GRAMD2B: variants seen among roughly 807,000 people sequenced by gnomAD.
The protein encoded by GRAMD2B is GRAM domain-containing protein 2B.
In GRAMD2B, 41 loss-of-function variants were observed where a neutral mutation model predicts 59.2. The observed-to-expected ratio is 0.69, with a 90% confidence interval of 0.54 to 0.90. The LOEUF is 0.90. Among genes scored for constraint, GRAMD2B ranks in the 40% least tolerant of loss-of-function variants. The pLI, the probability that GRAMD2B is intolerant of heterozygous loss-of-function variation, is 0.00. For missense variants in GRAMD2B, 424 were observed against 500.5 expected (o/e 0.85, Z 1.46); for synonymous variants, 161 against 182.7 (o/e 0.88, Z 0.96).
upstream of GRAMD2B, among the ~76,000 whole-genome samples, chr5:126,366,329 C>T (rs1223698139): frequency 1.3e-5 from 2 of 152,188 alleles, no homozygotes; most frequent in Non-Finnish European, 2.9e-5. Flanking sequence ...AATGCTTGCC[C>T]TCCCTCTAGG....
chr5:126,439,408 C>A (rs1694071996), intron 1 of GRAMD2B, among the ~76,000 whole-genome samples: 1 of 147,304 alleles, frequency 6.8e-6, no homozygotes. Context: ...CTCACTGCAA[C>A]CTCCACCTCC....
chr5:126,419,863 T>C (rs1402221861), upstream of GRAMD2B, among the ~76,000 whole-genome samples: 1 of 151,948 alleles, frequency 6.6e-6, no homozygotes, highest in East Asian at 1.9e-4. Context: ...GAGACCAGCC[T>C]GGCCAATATG....
At chr5:126,409,071 T>G (rs999017475) in intron 1 of GRAMD2B, among the ~76,000 whole-genome samples, 1 of 151,924 alleles carries the variant, frequency 6.6e-6, no homozygotes, top group Non-Finnish European at 1.5e-5. Context: ...TGCCACATTT[T>G]CTTAATCCAG....
chr5:126,384,989 C>T (rs897705448), intron 1 of GRAMD2B, among the ~76,000 whole-genome samples: 2 of 152,212 alleles, frequency 1.3e-5, no homozygotes, highest in Non-Finnish European at 2.9e-5. Flanking sequence ...GAGCACAGTT[C>T]CTGGCATAAA....
At chr5:126,490,693 C>T (rs1234757143) in intron 13 of GRAMD2B, among the ~76,000 whole-genome samples, 1 of 152,182 alleles carries the variant, frequency 6.6e-6, no homozygotes, top group African/African-American at 2.4e-5. Flanking sequence ...TGGGCACTAG[C>T]GCAGCACAGC....
chr5:126,413,631 G>A (rs867652246), intron 1 of GRAMD2B, among the ~76,000 whole-genome samples: 1 of 151,956 alleles, frequency 6.6e-6, no homozygotes, highest in Non-Finnish European at 1.5e-5. Context: ...GTCAAGTGTC[G>A]AATTTAAGTC....
intron 1 of GRAMD2B, among the ~76,000 whole-genome samples, chr5:126,435,444 G>A (rs1185675025): frequency 2.6e-5 from 4 of 152,180 alleles, no homozygotes; most frequent in Non-Finnish European, 4.4e-5. Flanking sequence ...CTCCTGTGGC[G>A]TGACTGGCTG....
At chr5:126,388,650 G>A (rs530700378) in intron 1 of GRAMD2B, among the ~76,000 whole-genome samples, 6 of 149,970 alleles carry the variant, frequency 4.0e-5, no homozygotes, top group Admixed American at 6.7e-5. Flanking sequence ...AGACGATCAC[G>A]TTGTATAAGC....
At chr5:126,460,862 T>G (rs1323079744) in intron 1 of GRAMD2B, among the ~76,000 whole-genome samples, 1 of 152,222 alleles carries the variant, frequency 6.6e-6, no homozygotes. Flanking sequence ...GAAGACCCTC[T>G]GATGAAACAT....
upstream of GRAMD2B, chr5:126,423,036 T>C (rs904308776): frequency 5.5e-6 from 2 of 365,396 alleles, no homozygotes; most frequent in Non-Finnish European, 7.6e-6. Context: ...GAAGAGGCAG[T>C]CCCTCAATGA....
intron 1 of GRAMD2B, among the ~76,000 whole-genome samples, chr5:126,429,301 CAT>C (rs1317499285): frequency 6.6e-6 from 1 of 152,168 alleles, no homozygotes; most frequent in Non-Finnish European, 1.5e-5. Flanking sequence ...CGAAATACCA[CAT>C]GTTCTCACTT....
At chr5:126,485,368 A>G (rs1479352603) in intron 10 of GRAMD2B, among the ~76,000 whole-genome samples, 1 of 152,138 alleles carries the variant, frequency 6.6e-6, no homozygotes, top group Non-Finnish European at 1.5e-5. Flanking sequence ...TTTTCCAGTA[A>G]AACTCAAATT....
At chr5:126,397,664 G>A (rs1757475311) in intron 1 of GRAMD2B, among the ~76,000 whole-genome samples, 1 of 152,118 alleles carries the variant, frequency 6.6e-6, no homozygotes, top group Non-Finnish European at 1.5e-5. Flanking sequence ...TTGTTAATGT[G>A]TTGTATCACA....
chr5:126,395,577 A>G lies in GRAMD2B; in HGVS notation c.125+24010A>G, dbSNP rs116745675. Among the ~76,000 whole-genome samples, 366 of 152,254 alleles carry G rather than the reference A, an allele frequency of 2.4e-3. 3 individuals carry two copies. Among genetic ancestry groups the G allele is most frequent in the African/African-American group, 8.5e-3 (352 of 41,546 alleles). On this transcript the variant is annotated intron_variant, in intron 1 of 8. Transcript: ENST00000506445. ...ACTTGCATTCACAAACATTCACTTTATTTTTTTATGCTTTTTTAAATTGCT... is the reference window on the plus strand; with the variant it reads ...ACTTGCATTCACAAACATTCACTTTGTTTTTTTATGCTTTTTTAAATTGCT...
rs547212854 is a variant in GRAMD2B at position 126,447,489 on chromosome 5, C to T, written c.84-17937C>T. ...CATCCTCGATAACACGGTGAAACCC[C>T]GTCTCTACTAAAAAAATACAAAAAA... On this transcript the variant is annotated intron_variant, in intron 1 of 13. Coordinates refer to ENST00000285689, the MANE Select transcript of GRAMD2B (RefSeq NM_023927.4). Among the ~76,000 whole-genome samples, 82 of 152,030 alleles carry T rather than the reference C, an allele frequency of 5.4e-4. 1 individual carries two copies. The highest frequency in any genetic ancestry group is 3.7e-3 in the East Asian group (19 of 5,120).
chr5:126,374,015 T>A (rs988959913), intron 1 of GRAMD2B, among the ~76,000 whole-genome samples: 1 of 152,246 alleles, frequency 6.6e-6, no homozygotes, highest in African/African-American at 2.4e-5. Context: ...CTACTTGTGG[T>A]TGATTTCCAG....
Position 126,492,912 on chromosome 5 carries a change from A to G in GRAMD2B, c.1258-3A>G, listed in dbSNP as rs1332631149. The G allele has an allele frequency of 1.9e-6, 3 of 1,599,792 alleles. No individual in the cohort carries two copies. Among genetic ancestry groups the G allele is most frequent in the Non-Finnish European group, 2.6e-6 (3 of 1,167,362 alleles). Reference sequence around the variant, plus strand: ...ATAGGAACTTCTTTTCTTTTATTTCAAGATACAAAATAACTTACAGAAGTT... The same window carrying G: ...ATAGGAACTTCTTTTCTTTTATTTCGAGATACAAAATAACTTACAGAAGTT... On this transcript the variant is annotated splice_region_variant and splice_polypyrimidine_tract_variant and intron_variant, in intron 13 of 13. Transcript: ENST00000285689.
intron 1 of GRAMD2B, among the ~76,000 whole-genome samples, chr5:126,415,186 G>A (rs1438100853): frequency 6.6e-6 from 1 of 152,130 alleles, no homozygotes; most frequent in Non-Finnish European, 1.5e-5. Flanking sequence ...GGACAATTGG[G>A]AATGAGTGGT....
rs373105148 is a variant in GRAMD2B at position 126,473,380 on chromosome 5, T to TA, written c.486+23dup. 9.1e-3 allele frequency: 8,157 copies of TA among 892,424 alleles called. 3 individuals carry two copies. Among genetic ancestry groups the TA allele is most frequent in the South Asian group, 0.017 (910 of 52,964 alleles). 55.3% of individuals were successfully genotyped at this position (892,424 alleles called of 1,614,324 possible). On this transcript the variant is annotated intron_variant, in intron 5 of 13. Coordinates refer to ENST00000285689, the MANE Select transcript of GRAMD2B (RefSeq NM_023927.4). Reference sequence around the variant, plus strand: ...GAAAAGACACAAAGGTTGGTATAATTAAAAAAAAAAATGCTAACCCTATAC... The same window carrying TA: ...GAAAAGACACAAAGGTTGGTATAATTAAAAAAAAAAAATGCTAACCCTATAC...
Sources: allele counts gnomAD v4.1 joint callset (sites outside exome capture counted in the v4.1 genomes callset), GRCh38; gene constraint gnomAD v4.1.1; transcripts MANE v1.5; gene names NCBI Gene and HGNC (gene_info 2026-07-23, HGNC 2026-07-21).